Variants in SMYD3 observed in about 807,000 individuals in gnomAD.
SMYD3 encodes SET and MYND domain containing 3, also known as histone-lysine N-methyltransferase SMYD3.
A neutral mutation model predicts 57.7 loss-of-function variants in SMYD3; 36 were observed. That is an observed-to-expected ratio of 0.62 (90% CI 0.48 to 0.82). The LOEUF is 0.82. Ranked by LOEUF, SMYD3 falls within the 40% of genes least tolerant of loss-of-function variation. The pLI is 0.00. For synonymous variants in SMYD3, 211 were observed against 195.0 expected (o/e 1.08, Z -0.68); for missense variants, 515 against 538.8 (o/e 0.96, Z 0.44).
At chr1:246,304,144 T>C (rs2064940092) in intron 5 of SMYD3, among the ~76,000 whole-genome samples, 2 of 152,214 alleles carry the variant, frequency 1.3e-5, no homozygotes, top group Admixed American at 6.5e-5. Flanking sequence ...TAAATGAAAT[T>C]ATAGTTTTAT....
intron 5 of SMYD3, among the ~76,000 whole-genome samples, chr1:245,942,143 G>A (rs4255351): frequency 0.13 from 20,181 of 152,114 alleles, 1,780 homozygotes; most frequent in East Asian, 0.51. Flanking sequence ...AACCTTAAAT[G>A]TAAATGGGCT....
At chr1:246,036,529 TTCTTTCTC>T (rs2059774040) in intron 5 of SMYD3, among the ~76,000 whole-genome samples, 1 of 113,884 alleles carries the variant, frequency 8.8e-6, no homozygotes, top group Admixed American at 8.2e-5. Flanking sequence ...CTCTGTACTC[TTCTTTCTC>T]TCTTTTTTTT....
chr1:245,996,790 A>C (rs2058939197), intron 5 of SMYD3, among the ~76,000 whole-genome samples: 1 of 152,202 alleles, frequency 6.6e-6, no homozygotes, highest in South Asian at 2.1e-4. Flanking sequence ...ACCTACAGAA[A>C]CACAGAAAGT....
chr1:246,408,114 T>C (rs1558449679), intron 1 of SMYD3, among the ~76,000 whole-genome samples: 1 of 151,720 alleles, frequency 6.6e-6, no homozygotes. Flanking sequence ...GCTAATTACC[T>C]CCCCGAAGCA....
chr1:246,108,605 C>T (rs994261546), intron 5 of SMYD3: 21 of 152,192 alleles, frequency 1.4e-4, no homozygotes, highest in Admixed American at 1.0e-3. Context: ...TCAGTGCTCC[C>T]ATTCTTCATT....
At chr1:246,108,801 G>A (rs2061176662) in intron 5 of SMYD3, 1 of 152,304 alleles carries the variant, frequency 6.6e-6, no homozygotes, top group African/African-American at 2.4e-5. Context: ...GTAAGACAAA[G>A]ACAACCACAC....
intron 10 of SMYD3, among the ~76,000 whole-genome samples, chr1:245,809,913 T>C (rs960837349): frequency 2.0e-5 from 3 of 152,216 alleles, no homozygotes; most frequent in African/African-American, 7.2e-5. Context: ...TTCTCTCTCA[T>C]TGTCATTTTC....
chr1:245,761,453 G>A (rs2045839120), intron 11 of SMYD3, among the ~76,000 whole-genome samples: 1 of 152,144 alleles, frequency 6.6e-6, no homozygotes, highest in African/African-American at 2.4e-5. Context: ...AAAATCCATA[G>A]CGAGATGTCT....
At chr1:245,755,769 T>A (rs1384776567) in intron 11 of SMYD3, among the ~76,000 whole-genome samples, 1 of 152,172 alleles carries the variant, frequency 6.6e-6, no homozygotes, top group Non-Finnish European at 1.5e-5. Flanking sequence ...TTCAACCTAT[T>A]TGTATCATTC....
chr1:245,883,294 T>C (rs2052897379), intron 8 of SMYD3, among the ~76,000 whole-genome samples: 1 of 152,138 alleles, frequency 6.6e-6, no homozygotes, highest in Admixed American at 6.5e-5. Flanking sequence ...AGATAATATG[T>C]AAAGTAGACT....
chr1:246,001,061 T>C (rs1266586223), intron 5 of SMYD3, among the ~76,000 whole-genome samples: 1 of 152,170 alleles, frequency 6.6e-6, no homozygotes, highest in African/African-American at 2.4e-5. Context: ...TCTTACGAAA[T>C]GAGGCCGCTG....
At chr1:245,947,413 C>T (rs1295900964) in intron 5 of SMYD3, 1 of 457,100 alleles carries the variant, frequency 2.2e-6, no homozygotes. Context: ...TCCATATCCC[C>T]CCAAAACGAA....
chr1:246,326,235 A>G (rs2065346020), intron 5 of SMYD3: 3 of 441,436 alleles, frequency 6.8e-6, no homozygotes, highest in Non-Finnish European at 1.2e-5. Flanking sequence ...AAATTGTCAA[A>G]AGTAAAGTTT....
chr1:245,986,209 C>CT (rs11370068), intron 5 of SMYD3, among the ~76,000 whole-genome samples: 96,538 of 152,064 alleles, frequency 0.63, 33,870 homozygotes, highest in Non-Finnish European at 0.78. Context: ...CTTCAAGGAA[C>CT]TGAGAGAGGA....
intron 5 of SMYD3, among the ~76,000 whole-genome samples, chr1:246,282,127 T>A (rs561540658): frequency 6.6e-6 from 1 of 151,684 alleles, no homozygotes; most frequent in Non-Finnish European, 1.5e-5. Context: ...CATGGCATAG[T>A]AGGAAAGACA....
chr1:246,190,632 C>T (rs12038162), intron 5 of SMYD3, among the ~76,000 whole-genome samples: 14,531 of 147,624 alleles, frequency 0.098, 870 homozygotes, highest in East Asian at 0.25. Context: ...GTAGGGGAGT[C>T]GCTAAAGCTC....
rs1303962489 is a variant in SMYD3 at position 246,166,859 on chromosome 1, C to T, written c.531+160342G>A. ...CATTGAGTGCATTCACAATGATAAA[C>T]GACCACCAACCTATCCAGCTCCAAA... is the stretch of plus-strand genomic sequence containing the variant. On this transcript the variant is annotated intron_variant, in intron 5 of 11. Transcript: ENST00000490107. 5.9e-5 allele frequency among the ~76,000 whole-genome samples: 9 copies of T among 152,122 alleles called. No individual in the cohort carries two copies. The East Asian group carries it at 9.6e-4, about 16-fold the overall frequency.
intron 5 of SMYD3, among the ~76,000 whole-genome samples, chr1:246,149,344 C>A (rs940335340): frequency 6.6e-6 from 1 of 152,176 alleles, no homozygotes; most frequent in Non-Finnish European, 1.5e-5. Context: ...CATCACTGGG[C>A]CTCTACTCCA....
chr1:246,408,322 G>C (rs1466839477), intron 1 of SMYD3, among the ~76,000 whole-genome samples: 6 of 151,986 alleles, frequency 3.9e-5, no homozygotes, highest in Non-Finnish European at 8.8e-5. Flanking sequence ...TATTATCTAA[G>C]ACTCTCCCTT....
Sources: gnomAD v4.1 joint callset for allele counts (sites outside exome capture counted in the v4.1 genomes callset) on GRCh38, gnomAD v4.1.1 for gene constraint, MANE v1.5 for transcripts, NCBI Gene and HGNC (gene_info 2026-07-23, HGNC 2026-07-21) for gene names.